The following SLC5A12 variants were observed in gnomAD, a reference collection of about 807,000 sequenced individuals.
SLC5A12 encodes sodium-coupled monocarboxylate transporter 2.
In SLC5A12, 46 loss-of-function variants were observed where a neutral mutation model predicts 72.7. The observed-to-expected ratio is 0.63, with a 90% CI of 0.50 to 0.81. SLC5A12 has a LOEUF of 0.81. Ranked by LOEUF, SLC5A12 falls within the 30% of genes least tolerant of loss-of-function variation. The pLI is 0.00. For missense variants in SLC5A12, 683 were observed against 740.7 expected (o/e 0.92, Z 0.90); for synonymous variants, 275 against 264.4 (o/e 1.04, Z -0.39).
Position 26,677,529 on chromosome 11 carries a change from A to G in SLC5A12, c.1579+1183T>C, listed in dbSNP as rs375027723. On this transcript the variant is annotated intron_variant, in intron 13 of 14. Transcript: ENST00000396005. ...TGTCTAGGTATATCCCACTAGCATCAAGGAAGGAGTTACAGATGTCAGGGT... is the reference window on the plus strand; with the variant it reads ...TGTCTAGGTATATCCCACTAGCATCGAGGAAGGAGTTACAGATGTCAGGGT... Among the ~76,000 whole-genome samples the G allele has an allele frequency of 2.0e-5, 3 of 152,200 alleles. No homozygotes were observed. In the East Asian group the frequency reaches 5.8e-4, roughly 29 times the overall value.
chr11:26,707,244 T>A (rs1404392948), intron 4 of SLC5A12, among the ~76,000 whole-genome samples: 1 of 152,038 alleles, frequency 6.6e-6, no homozygotes, highest in East Asian at 1.9e-4. Context: ...TTTCAGGTCC[T>A]CCATTTGTAT....
rs145705590 is a variant in SLC5A12 at position 26,684,028 on chromosome 11, A to ATGTG, written c.1222-189_1222-186dup. On this transcript the variant is annotated intron_variant, in intron 10 of 14. Transcript: ENST00000396005. ...TGAATGATAAGCACTGTATTTATGT[A>ATGTG]TGTGTGTGTGTGTGTGTGTGTGTGT... 8.9e-3 allele frequency among the ~76,000 whole-genome samples: 1,310 copies of ATGTG among 148,022 alleles called. 10 individuals are homozygous for ATGTG. Among genetic ancestry groups the ATGTG allele is most frequent in the South Asian group, 0.021 (96 of 4,650 alleles).
intron 13 of SLC5A12, among the ~76,000 whole-genome samples, chr11:26,676,228 G>C (rs1230790763): frequency 3.3e-5 from 5 of 152,012 alleles, no homozygotes; most frequent in Non-Finnish European, 7.4e-5. Flanking sequence ...TTTATGTTAA[G>C]AGATAGATTG....
In SLC5A12 at chr11:26,669,010, A is replaced by C. The variant is rs1282672363; in HGVS notation, c.*2092T>G. 1 of 151,938 alleles carries C rather than the reference A, an allele frequency of 6.6e-6. No individual in the cohort carries two copies. Among genetic ancestry groups the C allele is most frequent in the Non-Finnish European group, 1.5e-5 (1 of 67,966 alleles). The allele number at this position is 151,938 out of a possible 1,614,324, so 9.4% of individuals were successfully genotyped here. A position where few individuals can be genotyped will look rare whatever the true frequency, so the allele number is the denominator to read the frequency against. ...TTTGCTTTTATGCTATCCCAAGTGG[A>C]AGTTCACAATCCTGATGTATTCCAA... On this transcript the variant is annotated 3_prime_UTR_variant, in exon 15 of 15. Coordinates refer to ENST00000396005, the MANE Select transcript of SLC5A12 (RefSeq NM_178498.4).
chr11:26,679,404 G>A (rs1302754582), intron 12 of SLC5A12, among the ~76,000 whole-genome samples: 1 of 152,082 alleles, frequency 6.6e-6, no homozygotes, highest in East Asian at 1.9e-4. Flanking sequence ...ATAGGCAGGA[G>A]GGAAGAATCA....
rs550469375 is a variant in SLC5A12, at chr11:26,670,183, T to C, written c.*919A>G. 2.0e-5 allele frequency: 3 copies of C among 152,270 alleles called. No homozygotes were observed. In the South Asian group the frequency reaches 6.2e-4, roughly 32 times the overall value. 9.4% of individuals were successfully genotyped at this position (152,270 alleles called of 1,614,324 possible). A position where few individuals can be genotyped will look rare whatever the true frequency, so the allele number is the denominator to read the frequency against. On this transcript the variant is annotated 3_prime_UTR_variant, in exon 15 of 15. Coordinates refer to ENST00000396005, the MANE Select transcript of SLC5A12 (RefSeq NM_178498.4). ...AGCAGAGTACAAGTCTTATGGACAA[T>C]GTATTTTCTCCAAAGAAGAATCCTA...
chr11:26,707,886 T>C (rs191721335), intron 4 of SLC5A12, among the ~76,000 whole-genome samples: 51 of 152,140 alleles, frequency 3.4e-4, no homozygotes, highest in African/African-American at 1.2e-3. Flanking sequence ...CAGAGAGGAT[T>C]TGCACTTTTT....
Position 26,667,513 on chromosome 11 carries a change from A to G in SLC5A12, c.*3589T>C, listed in dbSNP as rs1279304212. 1.3e-5 allele frequency: 2 copies of G among 152,006 alleles called. No individual in the cohort carries two copies. Among genetic ancestry groups the G allele is most frequent in the African/African-American group, 4.8e-5 (2 of 41,434 alleles). The allele number at this position is 152,006 out of a possible 1,614,324, so 9.4% of individuals were successfully genotyped here. The stretch of plus-strand genomic sequence containing the variant: ...CATTTTTAGCAAATACTATATAAAC[A>G]AAGGGAAAAGACCCTCCCCACCTTC... On this transcript the variant is annotated 3_prime_UTR_variant, in exon 15 of 15. Coordinates refer to ENST00000396005, the MANE Select transcript of SLC5A12 (RefSeq NM_178498.4).
Position 26,703,728 on chromosome 11 carries a change from A to G in SLC5A12, c.681-57T>C, listed in dbSNP as rs910356826. On this transcript the variant is annotated intron_variant, in intron 5 of 14. Coordinates refer to ENST00000396005, the MANE Select transcript of SLC5A12 (RefSeq NM_178498.4). ...ATATTCCTTTGATGCCTAAGATATT[A>G]TTTTAGGTGATAAGGTCATGTAGCT... 3.7e-6 allele frequency: 6 copies of G among 1,612,916 alleles called. No individual in the cohort carries two copies. The Admixed American group carries it at 8.3e-5, about 22-fold the overall frequency.
rs1854050877 is a variant in SLC5A12, at chr11:26,668,491, C to T, written c.*2611G>A. On this transcript the variant is annotated 3_prime_UTR_variant, in exon 15 of 15. Transcript: ENST00000396005. Reference sequence around the variant, plus strand: ...ACTGTCTTTGTACTGCACCAGTGGCCTTGGCATGACTCTGGGCTGCTAATC... The same window carrying T: ...ACTGTCTTTGTACTGCACCAGTGGCTTTGGCATGACTCTGGGCTGCTAATC... 6.6e-6 allele frequency: 1 copy of T among 152,062 alleles called. No homozygotes were observed. Among genetic ancestry groups the T allele is most frequent in the East Asian group, 1.9e-4 (1 of 5,184 alleles). 9.4% of individuals were successfully genotyped at this position (152,062 alleles called of 1,614,324 possible). A position where few individuals can be genotyped will look rare whatever the true frequency, so the allele number is the denominator to read the frequency against.
intron 1 of SLC5A12, among the ~76,000 whole-genome samples, chr11:26,717,652 CT>C (rs1855382241): frequency 6.6e-6 from 1 of 152,246 alleles, no homozygotes; most frequent in Non-Finnish European, 1.5e-5. Context: ...CTATATAACA[CT>C]CGCCTCCAAA....
chr11:26,688,346 G>C (rs2133161482), intron 9 of SLC5A12, among the ~76,000 whole-genome samples: 1 of 152,290 alleles, frequency 6.6e-6, no homozygotes, highest in East Asian at 1.9e-4. Flanking sequence ...CCTCAATCCA[G>C]AGTATCCATG....
chr11:26,685,938 C>G (rs1446957786), intron 10 of SLC5A12, among the ~76,000 whole-genome samples: 2 of 152,112 alleles, frequency 1.3e-5, no homozygotes, highest in Admixed American at 6.5e-5. Flanking sequence ...TGGAGGTGAG[C>G]AGATATCCCA....
chr11:26,697,119 T>A, intron 8 of SLC5A12, 45 bp downstream of exon 8: 1 of 1,509,144 alleles, frequency 6.6e-7, no homozygotes, highest in Non-Finnish European at 9.2e-7. Context: ...ATCATCCTTG[T>A]TATCCTTTCC....
intron 11 of SLC5A12, 28 bp from the exon 12 acceptor site, chr11:26,681,249 G>A (rs763951414): frequency 4.6e-5 from 70 of 1,522,068 alleles, no homozygotes; most frequent in Non-Finnish European, 5.9e-5. Context: ...AGGTTAATGG[G>A]AAATTTGGCA....
rs981432432 is a variant in SLC5A12 at position 26,702,907 on chromosome 11, A to T, written c.821+624T>A. Among the ~76,000 whole-genome samples, 5 of 152,166 alleles carry T rather than the reference A, an allele frequency of 3.3e-5. No individual in the cohort carries two copies. In the East Asian group the frequency reaches 9.7e-4, roughly 29 times the overall value. ...CTAACTACTCAGAAACCACCAACTA[A>T]CTTAGAGATATCTAACTAAGAAATT... is the stretch of plus-strand genomic sequence containing the variant. On this transcript the variant is annotated intron_variant, in intron 6 of 14. Transcript: ENST00000396005.
In SLC5A12 at chr11:26,668,977, T is replaced by G. The variant is rs1158206846; in HGVS notation, c.*2125A>C. The G allele has an allele frequency of 2.0e-5, 3 of 151,982 alleles. No individual in the cohort carries two copies. Among genetic ancestry groups the G allele is most frequent in the African/African-American group, 7.2e-5 (3 of 41,424 alleles). The allele number at this position is 151,982 out of a possible 1,614,324, so 9.4% of individuals were successfully genotyped here. On this transcript the variant is annotated 3_prime_UTR_variant, in exon 15 of 15. Coordinates refer to ENST00000396005, the MANE Select transcript of SLC5A12 (RefSeq NM_178498.4). ...TTTGTGAGTAAAATGAAAAATTGTA[T>G]GGTATATTTTGCTTTTATGCTATCC...
chr11:26,704,510 T>C (rs989113388), intron 4 of SLC5A12, among the ~76,000 whole-genome samples: 2 of 152,196 alleles, frequency 1.3e-5, no homozygotes. Context: ...CTTAAATGTT[T>C]TCTCAAGAGC....
At chr11:26,691,781 T>G (rs1854681551) in intron 9 of SLC5A12, 1 of 152,242 alleles carries the variant, frequency 6.6e-6, no homozygotes, top group African/African-American at 2.4e-5. Context: ...AAACTGCAAT[T>G]ATCTCTGATA....
Sources: allele counts gnomAD v4.1 joint callset (sites outside exome capture counted in the v4.1 genomes callset), GRCh38; gene constraint gnomAD v4.1.1; transcripts MANE v1.5; gene names NCBI Gene and HGNC (gene_info 2026-07-23, HGNC 2026-07-21).